Variants in PPP3CA observed in about 807,000 individuals in gnomAD.
The protein encoded by PPP3CA is CAM-PRP catalytic subunit.
A neutral mutation model predicts 66.5 loss-of-function variants in PPP3CA; 14 were observed. The observed-to-expected ratio is 0.21, with a 90% CI of 0.14 to 0.33. The LOEUF (loss-of-function observed/expected upper bound fraction) is 0.33, where lower values mean the gene tolerates loss of function less well. PPP3CA is among the 10% of genes least tolerant of loss of function. The pLI is 1.00. For missense variants in PPP3CA, 317 were observed against 639.5 expected (o/e 0.50, Z 5.44); for synonymous variants, 232 against 226.2 (o/e 1.03, Z -0.23).
At chr4:101,212,951 G>A (rs181285655) in intron 1 of PPP3CA, among the ~76,000 whole-genome samples, 1 of 152,014 alleles carries the variant, frequency 6.6e-6, no homozygotes, top group Admixed American at 6.6e-5. Flanking sequence ...TATATGTCTG[G>A]TTGGTATCTC....
At chr4:101,161,907 T>C (rs1305382188) in intron 2 of PPP3CA, among the ~76,000 whole-genome samples, 1 of 152,074 alleles carries the variant, frequency 6.6e-6, no homozygotes, top group Non-Finnish European at 1.5e-5. Context: ...ATACATTCTA[T>C]AGAAAAATTT....
intron 1 of PPP3CA, among the ~76,000 whole-genome samples, chr4:101,320,410 T>C (rs775269735): frequency 2.0e-5 from 3 of 151,406 alleles, no homozygotes; most frequent in Non-Finnish European, 4.4e-5. Context: ...AGCATAGCTA[T>C]GGCATAGCTT....
chr4:101,099,684 G>T lies in PPP3CA; in HGVS notation c.423C>A (p.Pro141=). 1 of 1,589,362 alleles carries T rather than the reference G, an allele frequency of 6.3e-7. No homozygotes were observed. Among genetic ancestry groups the T allele is most frequent in the South Asian group, 1.2e-5 (1 of 86,672 alleles). The stretch of plus-strand genomic sequence containing the variant: ...TTCCACGAAGTAAAAACAGTGTTTT[G>T]GGGTAGAGAATTTTCAAGGCCCACA... ...LYLWALKILY[P]KTLFLLRGNH... Residue 141 remains proline, a synonymous_variant, in exon 4 of 14, where the codon CCC becomes CCA. Coordinates refer to ENST00000394854, the MANE Select transcript of PPP3CA (RefSeq NM_000944.5).
intron 1 of PPP3CA, among the ~76,000 whole-genome samples, chr4:101,275,111 A>T: frequency 6.6e-6 from 1 of 152,176 alleles, no homozygotes; most frequent in East Asian, 1.9e-4. Context: ...TTATTTCCTC[A>T]TAACCCTCAT....
chr4:101,098,359 A>G lies in PPP3CA; in HGVS notation c.642+8T>C. The G allele has an allele frequency of 6.3e-7, 1 of 1,590,990 alleles. No homozygotes were observed. The highest frequency in any genetic ancestry group is 8.5e-7 in the Non-Finnish European group (1 of 1,171,606). On this transcript the variant is annotated splice_region_variant and intron_variant, in intron 5 of 13. Coordinates refer to ENST00000394854, the MANE Select transcript of PPP3CA (RefSeq NM_000944.5). ...AAATGATTAGACTTGGAAAATAACAAAACTTACTTTTCTGATATCATCTAA... is the reference window on the plus strand; with the variant it reads ...AAATGATTAGACTTGGAAAATAACAGAACTTACTTTTCTGATATCATCTAA...
chr4:101,102,858 G>T (rs1730509335), intron 3 of PPP3CA, among the ~76,000 whole-genome samples: 1 of 152,120 alleles, frequency 6.6e-6, no homozygotes, highest in African/African-American at 2.4e-5. Context: ...GTGTTACACT[G>T]GCCTTTTCTG....
chr4:101,076,587 G>T (rs896064049), intron 8 of PPP3CA, among the ~76,000 whole-genome samples: 4 of 152,160 alleles, frequency 2.6e-5, no homozygotes, highest in Non-Finnish European at 4.4e-5. Context: ...TTAGGCAGAA[G>T]AATGAGACAA....
chr4:101,037,811 T>G (rs1234771734), intron 11 of PPP3CA, among the ~76,000 whole-genome samples: 1 of 152,196 alleles, frequency 6.6e-6, no homozygotes, highest in African/African-American at 2.4e-5. Context: ...TGGACTTCAG[T>G]ATATTTTCAG....
intron 1 of PPP3CA, among the ~76,000 whole-genome samples, chr4:101,323,089 A>C (rs1440885519): frequency 6.6e-6 from 1 of 152,172 alleles, no homozygotes; most frequent in Non-Finnish European, 1.5e-5. Context: ...TCTGGGAAAT[A>C]AATGCACTGG....
At chr4:101,284,498 T>A (rs1727776421) in intron 1 of PPP3CA, among the ~76,000 whole-genome samples, 1 of 152,150 alleles carries the variant, frequency 6.6e-6, no homozygotes, top group Non-Finnish European at 1.5e-5. Flanking sequence ...GCTTAACAGA[T>A]TATTTAACAC....
intron 8 of PPP3CA, among the ~76,000 whole-genome samples, chr4:101,065,084 G>A (rs1212689115): frequency 3.3e-5 from 5 of 151,900 alleles, no homozygotes; most frequent in East Asian, 1.9e-4. Flanking sequence ...ACTAATTCCT[G>A]CATATATTTC....
At chr4:101,343,690 T>G (rs1729890916) in intron 1 of PPP3CA, among the ~76,000 whole-genome samples, 1 of 152,176 alleles carries the variant, frequency 6.6e-6, no homozygotes, top group Admixed American at 6.5e-5. Context: ...AAACAAATAC[T>G]TTTCATCTCC....
At chr4:101,248,933 G>T (rs1479100067) in intron 1 of PPP3CA, among the ~76,000 whole-genome samples, 1 of 151,868 alleles carries the variant, frequency 6.6e-6, no homozygotes, top group African/African-American at 2.4e-5. Flanking sequence ...GGCCGAGGCG[G>T]GTGGATCATG....
At chr4:101,137,333 T>C (rs1722654622) in intron 2 of PPP3CA, among the ~76,000 whole-genome samples, 1 of 152,096 alleles carries the variant, frequency 6.6e-6, no homozygotes, top group Admixed American at 6.5e-5. Context: ...TAGTAGGGAA[T>C]CTGACTGAGT....
intron 1 of PPP3CA, among the ~76,000 whole-genome samples, chr4:101,281,718 A>G (rs1289996330): frequency 6.6e-6 from 1 of 152,240 alleles, no homozygotes; most frequent in Non-Finnish European, 1.5e-5. Flanking sequence ...GAATGTAATA[A>G]GAAAGTGGTT....
chr4:101,315,687 C>T (rs1052387144), intron 1 of PPP3CA, among the ~76,000 whole-genome samples: 10 of 152,164 alleles, frequency 6.6e-5, no homozygotes, highest in African/African-American at 1.7e-4. Context: ...GCTCAGTTCC[C>T]GCTCACAGAA....
At position 101,289,014 on chromosome 4, in the gene PPP3CA, G is replaced by GA. The variant is rs1727934220; in HGVS notation, c.58+57724dup. 2.6e-5 allele frequency among the ~76,000 whole-genome samples: 4 copies of GA among 151,294 alleles called. No homozygotes were observed. In the South Asian group the frequency reaches 8.3e-4, roughly 31 times the overall value. On this transcript the variant is annotated intron_variant, in intron 1 of 13. Transcript: ENST00000394854. ...CTGTCACTCTCCAACTGCGTAGGAG[G>GA]AAAAAAACAAGCTCTTACTTACCGG...
In PPP3CA at chr4:101,210,305, G is replaced by C. The variant is rs79641471; in HGVS notation, c.59-14189C>G. ...TTACTCAGTACCCCAAGTATTCCAG[G>C]GAATTTCAAACATTTCTTCAAGCTT... On this transcript the variant is annotated intron_variant, in intron 1 of 13. Transcript: ENST00000394854. 9.7e-3 allele frequency among the ~76,000 whole-genome samples: 1,472 copies of C among 152,172 alleles called. 24 individuals are homozygous for C. The highest frequency in any genetic ancestry group is 0.011 in the Non-Finnish European group (765 of 67,990).
At chr4:101,186,689 A>C (rs972088969) in intron 2 of PPP3CA, among the ~76,000 whole-genome samples, 5 of 152,136 alleles carry the variant, frequency 3.3e-5, no homozygotes, top group African/African-American at 1.2e-4. Context: ...AGAAAAGGTA[A>C]GTAGGGGACA....
Sources: gnomAD v4.1 joint callset for allele counts (sites outside exome capture counted in the v4.1 genomes callset) on GRCh38, gnomAD v4.1.1 for gene constraint, MANE v1.5 for transcripts, NCBI Gene and HGNC (gene_info 2026-07-23, HGNC 2026-07-21) for gene names.